PTPRQ: variants seen among roughly 807,000 people sequenced by gnomAD.
PTPRQ encodes the protein phosphatidylinositol phosphatase PTPRQ.
PTPRQ carries 199 observed loss-of-function variants against 246.0 expected under a neutral mutation model. That is an observed-to-expected ratio of 0.81 (90% CI 0.72 to 0.91). The LOEUF is 0.91. PTPRQ is among the 40% of genes least tolerant of loss of function. The probability of loss-of-function intolerance (pLI) is 0.00; values close to 1 mark genes in which losing one functional copy is unlikely to be tolerated. For synonymous variants in PTPRQ, 869 were observed against 853.2 expected (o/e 1.02, Z -0.32); for missense variants, 2,624 against 2,528.4 (o/e 1.04, Z -0.81).
At chr12:80,646,742 T>C (rs1900088142) in intron 35 of PTPRQ, among the ~76,000 whole-genome samples, 1 of 151,982 alleles carries the variant, frequency 6.6e-6, no homozygotes, top group Non-Finnish European at 1.5e-5. Context: ...TTTACGATGA[T>C]GTATTTCTGC....
intron 35 of PTPRQ, among the ~76,000 whole-genome samples, chr12:80,635,815 T>G (rs112027805): frequency 9.8e-5 from 15 of 152,308 alleles, no homozygotes; most frequent in African/African-American, 3.6e-4. Context: ...GTTTGCATTT[T>G]TATAAGATTC....
At chr12:80,668,788 T>G (rs747577538) in intron 39 of PTPRQ, among the ~76,000 whole-genome samples, 2 of 151,922 alleles carry the variant, frequency 1.3e-5, no homozygotes, top group African/African-American at 2.4e-5. Context: ...ATTCAAAAGT[T>G]AGACATAAAT....
chr12:80,620,232 T>C lies in PTPRQ; in HGVS notation c.5468T>C (p.Phe1823Ser). The stretch of plus-strand genomic sequence containing the variant: ...AGGCCATATTTTACAAATGAAGGCT[T>C]TCCTAACCCTCCATGTACAGAAGGA... ...KARPYFTNEG[F>S]PNPPCTEGKT... is the part of the protein sequence containing the mutation. Residue 1823 changes from phenylalanine (F) to serine (S), a missense_variant, in exon 32 of 45, where the codon TTT (phenylalanine) becomes TCT (serine). By Grantham distance (155) the Phe-to-Ser change is radical (BLOSUM62 -2). Coordinates refer to ENST00000644991, the MANE Select transcript of PTPRQ (RefSeq NM_001145026.2). 1.3e-6 allele frequency: 2 copies of C among 1,549,312 alleles called. No homozygotes were observed. Among genetic ancestry groups the C allele is most frequent in the Non-Finnish European group, 8.7e-7 (1 of 1,145,374 alleles).
intron 35 of PTPRQ, among the ~76,000 whole-genome samples, chr12:80,641,859 C>T (rs1255394822): frequency 2.0e-5 from 3 of 151,750 alleles, no homozygotes; most frequent in Non-Finnish European, 2.9e-5. Context: ...CTTTCTCTCT[C>T]TCTCACTCTC....
At chr12:80,475,766 A>C in intron 8 of PTPRQ, among the ~76,000 whole-genome samples, 1 of 152,208 alleles carries the variant, frequency 6.6e-6, no homozygotes, top group East Asian at 1.9e-4. Context: ...TTTGGCATTA[A>C]GTATCATGGG....
intron 3 of PTPRQ, among the ~76,000 whole-genome samples, chr12:80,449,866 T>C (rs1337131134): frequency 6.6e-6 from 1 of 152,082 alleles, no homozygotes; most frequent in African/African-American, 2.4e-5. Flanking sequence ...TGGGCTCTTT[T>C]TTGGTTCCAT....
Position 80,472,150 on chromosome 12 carries a change from C to T in PTPRQ, c.1085C>T (p.Thr362Ile), listed in dbSNP as rs1214962368. Residue 362 changes from threonine (T) to isoleucine (I), a missense_variant, in exon 8 of 45, where the codon ACT becomes ATT. Physicochemically the swap from Thr to Ile is moderately conservative, Grantham distance 89 (BLOSUM62 -1). Transcript: ENST00000644991. ...ACAAAAGACCTCAAGTTTGCATTCA[C>T]TAACCTAACACCATTTACAATGTAT... Reference protein sequence around the residue: ...NSTKDLKFAFTNLTPFTMYDV... With the variant: ...NSTKDLKFAFINLTPFTMYDV... The T allele has an allele frequency of 1.9e-6, 3 of 1,551,496 alleles. No homozygotes were observed. Among genetic ancestry groups the T allele is most frequent in the Middle Eastern group, 1.7e-4 (1 of 6,014 alleles).
chr12:80,467,738 TCA>T (rs201418496), intron 6 of PTPRQ, among the ~76,000 whole-genome samples: 11,897 of 151,454 alleles, frequency 0.079, 848 homozygotes, highest in African/African-American at 0.19. Flanking sequence ...ATCATCATTC[TCA>T]GTAAACTATC....
chr12:80,558,382 G>A (rs970758405), intron 25 of PTPRQ, among the ~76,000 whole-genome samples: 1 of 151,176 alleles, frequency 6.6e-6, no homozygotes, highest in Non-Finnish European at 1.5e-5. Flanking sequence ...TGGCCAGGCT[G>A]GTCTTGAACT....
chr12:80,586,947 C>A (rs1258454137), intron 25 of PTPRQ, among the ~76,000 whole-genome samples: 1 of 151,922 alleles, frequency 6.6e-6, no homozygotes, highest in African/African-American at 2.4e-5. Flanking sequence ...GATACTACAC[C>A]ATTTTATATA....
At chr12:80,518,114 T>C (rs539220884) in intron 17 of PTPRQ, among the ~76,000 whole-genome samples, 1 of 152,264 alleles carries the variant, frequency 6.6e-6, no homozygotes, top group African/African-American at 2.4e-5. Context: ...TGTACAAGGG[T>C]TCCCTTTTCT....
intron 8 of PTPRQ, among the ~76,000 whole-genome samples, chr12:80,478,653 A>G (rs147225426): frequency 2.0e-5 from 3 of 152,182 alleles, no homozygotes; most frequent in African/African-American, 7.2e-5. Flanking sequence ...ATGTATAACT[A>G]GAATAACCAA....
Position 80,445,591 on chromosome 12 carries a change from T to A in PTPRQ, c.264T>A (p.Ser88=). Residue 88 remains serine, a synonymous_variant, in exon 3 of 45, where the codon TCT becomes TCA. Transcript: ENST00000644991. ...TPPNPNGRII[S]YIVKYKEVCP... is the part of the protein sequence containing the mutation. ...CTAATCCAAATGGAAGGATTATATC[T>A]TACATTGTCAAATATAAGGAAGTTT... 6.5e-7 allele frequency: 1 copy of A among 1,549,892 alleles called. No homozygotes were observed. The highest frequency in any genetic ancestry group is 1.2e-5 in the South Asian group (1 of 84,020).
At chr12:80,675,362 G>T (rs1281057040) in intron 43 of PTPRQ, among the ~76,000 whole-genome samples, 1 of 151,916 alleles carries the variant, frequency 6.6e-6, no homozygotes, top group African/African-American at 2.4e-5. Flanking sequence ...TTTATCAAGG[G>T]GTCTTATGAA....
intron 8 of PTPRQ, among the ~76,000 whole-genome samples, chr12:80,482,494 G>A (rs1894105541): frequency 6.6e-6 from 1 of 151,372 alleles, no homozygotes; most frequent in Non-Finnish European, 1.5e-5. Flanking sequence ...AACACCAAAA[G>A]CAATGGCAAC....
In PTPRQ at chr12:80,658,050, A is replaced by G; in HGVS notation, c.6181A>G (p.Ser2061Gly). The change falls in exon 39 of 45, where the codon AGC becomes GGC. Residue 2061 changes from serine to glycine, a missense_variant. Ser to Gly is a moderately conservative substitution (Grantham distance 56, BLOSUM62 0). Coordinates refer to ENST00000644991, the MANE Select transcript of PTPRQ (RefSeq NM_001145026.2). ...SVPGSDYINA[S>G]YISGYLCPNE... ...TCCAGGTTCGGATTATATTAATGCC[A>G]GCTATATTTCTGTAAGTTACTATTT... is the stretch of plus-strand genomic sequence containing the variant. The G allele has an allele frequency of 7.1e-7, 1 of 1,400,170 alleles. No individual in the cohort carries two copies. Among genetic ancestry groups the G allele is most frequent in the Non-Finnish European group, 9.4e-7 (1 of 1,066,300 alleles). 86.7% of individuals were successfully genotyped at this position (1,400,170 alleles called of 1,614,324 possible).
intron 25 of PTPRQ, among the ~76,000 whole-genome samples, chr12:80,567,620 A>C (rs1004317430): frequency 1.6e-4 from 24 of 152,184 alleles, no homozygotes; most frequent in African/African-American, 4.8e-4. Context: ...CTGTTGCTAC[A>C]GTTTTTTTAA....
In PTPRQ at chr12:80,463,050, C is replaced by T. The variant is rs1006052580; in HGVS notation, c.910+2148C>T. Among the ~76,000 whole-genome samples, 6 of 152,074 alleles carry T rather than the reference C, an allele frequency of 3.9e-5. No homozygotes were observed. In the South Asian group the frequency reaches 8.3e-4, roughly 21 times the overall value. On this transcript the variant is annotated intron_variant, in intron 6 of 44. Transcript: ENST00000644991. ...TTCACGAGTTGAGAGAAGAAGGCTT[C>T]GGACGATCAAACTACTCCGAGCTAC...
chr12:80,501,243 C>G (rs1894790375), intron 14 of PTPRQ, among the ~76,000 whole-genome samples: 1 of 151,826 alleles, frequency 6.6e-6, no homozygotes, highest in East Asian at 1.9e-4. Context: ...TAATGAGGAG[C>G]TTTTGGAGAA....
Sources: gnomAD v4.1 joint callset for allele counts (sites outside exome capture counted in the v4.1 genomes callset) on GRCh38, gnomAD v4.1.1 for gene constraint, MANE v1.5 for transcripts, NCBI Gene and HGNC (gene_info 2026-07-23, HGNC 2026-07-21) for gene names.